Variants in MAP3K5 observed in about 807,000 individuals in gnomAD.
MAP3K5 encodes mitogen-activated protein kinase kinase kinase 5.
MAP3K5 carries 56 observed loss-of-function variants against 158.7 expected under a neutral mutation model. The observed-to-expected ratio is 0.35, with a 90% CI of 0.28 to 0.44. The LOEUF (loss-of-function observed/expected upper bound fraction) is 0.44, where lower values mean the gene tolerates loss of function less well. Ranked by LOEUF, MAP3K5 falls within the 20% of genes least tolerant of loss-of-function variation. The probability of loss-of-function intolerance (pLI) is 1.00; values close to 1 mark genes in which losing one functional copy is unlikely to be tolerated. For synonymous variants in MAP3K5, 579 were observed against 601.7 expected (o/e 0.96, Z 0.55); for missense variants, 1,294 against 1,674.8 (o/e 0.77, Z 3.97).
intron 7 of MAP3K5, among the ~76,000 whole-genome samples, chr6:136,672,079 A>G (rs1779506812): frequency 6.6e-6 from 1 of 152,226 alleles, no homozygotes; most frequent in Admixed American, 6.5e-5. Flanking sequence ...CAATAATACT[A>G]TAAAGTATAA....
chr6:136,763,165 T>C (rs1783826656), intron 1 of MAP3K5, among the ~76,000 whole-genome samples: 1 of 152,132 alleles, frequency 6.6e-6, no homozygotes. Context: ...GCTAATTTTT[T>C]CATTTTTTTG....
chr6:136,781,659 G>A (rs1309472240), intron 1 of MAP3K5, among the ~76,000 whole-genome samples: 2 of 152,078 alleles, frequency 1.3e-5, no homozygotes, highest in Non-Finnish European at 2.9e-5. Context: ...ATAAGAAATA[G>A]GATCATCTCA....
chr6:136,583,728 G>T lies in MAP3K5; in HGVS notation c.3238C>A (p.Pro1080Thr). 6.2e-7 allele frequency: 1 copy of T among 1,613,886 alleles called. No individual in the cohort carries two copies. Reference sequence around the variant, plus strand: ...GTGATGTGTTCCCATTTTAGTTTCGGTTCTTCAGCCCCCTGTGAATAAAAA... The same window carrying T: ...GTGATGTGTTCCCATTTTAGTTTCGTTTCTTCAGCCCCCTGTGAATAAAAA... Reference protein sequence around the residue: ...MESLAQGAEEPKLKWEHITTL... With the variant: ...MESLAQGAEETKLKWEHITTL... Residue 1080 changes from proline (P) to threonine (T), a missense_variant, in exon 24 of 30, where the codon CCG (proline) becomes ACG (threonine). By Grantham distance (38) the Pro-to-Thr change is conservative. Around this residue, in one of 5 missense-constraint regions of MAP3K5, gnomAD observed 362 missense variants for 463.2 expected, o/e 0.78. Transcript: ENST00000359015.
chr6:136,703,767 A>G, intron 3 of MAP3K5, among the ~76,000 whole-genome samples: 1 of 152,236 alleles, frequency 6.6e-6, no homozygotes, highest in South Asian at 2.1e-4. Flanking sequence ...CATAAGTTTC[A>G]AAATTACTTC....
At chr6:136,608,788 G>C (rs1363656827) in intron 18 of MAP3K5, among the ~76,000 whole-genome samples, 1 of 152,192 alleles carries the variant, frequency 6.6e-6, no homozygotes, top group Non-Finnish European at 1.5e-5. Context: ...AAAGCACTTA[G>C]TGCAGAGCAA....
At chr6:136,586,504 C>T (rs1775148065) in intron 23 of MAP3K5, among the ~76,000 whole-genome samples, 1 of 152,180 alleles carries the variant, frequency 6.6e-6, no homozygotes, top group Non-Finnish European at 1.5e-5. Context: ...GTTCTGACTC[C>T]AGTCTCTCCA....
At chr6:136,652,163 T>C (rs1369523692) in intron 10 of MAP3K5, among the ~76,000 whole-genome samples, 1 of 152,098 alleles carries the variant, frequency 6.6e-6, no homozygotes, top group Non-Finnish European at 1.5e-5. Flanking sequence ...AAACATGAAA[T>C]GCACTCTCAG....
intron 7 of MAP3K5, among the ~76,000 whole-genome samples, chr6:136,682,962 T>C (rs1057379724): frequency 1.1e-4 from 17 of 152,150 alleles, no homozygotes; most frequent in African/African-American, 3.4e-4. Flanking sequence ...AGAAATATTT[T>C]AGAACAAGGG....
chr6:136,736,295 C>G (rs938292409), intron 1 of MAP3K5, among the ~76,000 whole-genome samples: 2 of 152,320 alleles, frequency 1.3e-5, no homozygotes, highest in East Asian at 3.9e-4. Context: ...CCCTTTCTTT[C>G]TACTCTGTTA....
At chr6:136,636,860 T>G (rs1235675470) in intron 14 of MAP3K5, 1 of 988,192 alleles carries the variant, frequency 1.0e-6, no homozygotes. Flanking sequence ...GGATTCCAGT[T>G]GAGAGGAACA....
intron 2 of MAP3K5, among the ~76,000 whole-genome samples, chr6:136,705,681 A>C (rs1227968484): frequency 6.6e-6 from 1 of 152,216 alleles, no homozygotes; most frequent in East Asian, 1.9e-4. Context: ...AAAACAAAGC[A>C]AAACAAAAAA....
chr6:136,752,451 T>A (rs1783255094), intron 1 of MAP3K5, among the ~76,000 whole-genome samples: 1 of 152,156 alleles, frequency 6.6e-6, no homozygotes, highest in South Asian at 2.1e-4. Flanking sequence ...TCGCTCTGTC[T>A]TCCAGGCTGG....
chr6:136,749,894 G>A (rs916217516), intron 1 of MAP3K5, among the ~76,000 whole-genome samples: 4 of 152,200 alleles, frequency 2.6e-5, no homozygotes, highest in East Asian at 1.9e-4. Flanking sequence ...TAATGCTCAC[G>A]GTGAGCAGCT....
At chr6:136,614,642 C>T (rs547249675) in intron 15 of MAP3K5, among the ~76,000 whole-genome samples, 7 of 152,188 alleles carry the variant, frequency 4.6e-5, no homozygotes, top group East Asian at 1.9e-4. Flanking sequence ...CCCAGGAGAA[C>T]GGAAATTGTC....
chr6:136,586,193 C>T (rs1775132741), intron 23 of MAP3K5, among the ~76,000 whole-genome samples: 1 of 152,088 alleles, frequency 6.6e-6, no homozygotes, highest in Non-Finnish European at 1.5e-5. Context: ...CTAAACTGCA[C>T]CCAAGGTAAA....
intron 5 of MAP3K5, among the ~76,000 whole-genome samples, chr6:136,696,873 G>A (rs977328620): frequency 2.0e-5 from 3 of 152,212 alleles, no homozygotes; most frequent in African/African-American, 7.2e-5. Flanking sequence ...CTCTAAAAAT[G>A]TCTGCTATTT....
chr6:136,763,364 C>T (rs1352834699), intron 1 of MAP3K5, among the ~76,000 whole-genome samples: 3 of 151,928 alleles, frequency 2.0e-5, no homozygotes, highest in African/African-American at 4.8e-5. Flanking sequence ...AGATCTTTAG[C>T]TGTCTTGTCT....
intron 7 of MAP3K5, among the ~76,000 whole-genome samples, chr6:136,680,430 G>C (rs1375896313): frequency 6.6e-6 from 1 of 152,164 alleles, no homozygotes; most frequent in South Asian, 2.1e-4. Flanking sequence ...TCTATTTTTG[G>C]ATATTTAGAT....
intron 1 of MAP3K5, among the ~76,000 whole-genome samples, chr6:136,762,828 T>C (rs1452358517): frequency 1.3e-5 from 2 of 152,180 alleles, no homozygotes; most frequent in Non-Finnish European, 2.9e-5. Flanking sequence ...TGGAGGTTTC[T>C]AGCACCATTG....
Sources: allele counts gnomAD v4.1 joint callset (sites outside exome capture counted in the v4.1 genomes callset), GRCh38; gene constraint gnomAD v4.1.1; regional missense constraint gnomAD v4.1.1; transcripts MANE v1.5; gene names NCBI Gene and HGNC (gene_info 2026-07-23, HGNC 2026-07-21).